The following S100A13 variants were observed in gnomAD, a reference collection of about 807,000 sequenced individuals.
The protein encoded by S100A13 is S100 calcium binding protein A13.
Under a neutral mutation model 8.2 loss-of-function variants are expected in S100A13, and 6 were observed. That is an observed-to-expected ratio of 0.73 (90% CI 0.40 to 1.44). The LOEUF (loss-of-function observed/expected upper bound fraction) is 1.44. S100A13 is among the 40% of genes most tolerant of loss of function. S100A13 has a pLI of 0.02. For synonymous variants in S100A13, 39 were observed against 45.9 expected, an observed-to-expected ratio of 0.85 and a Z score of 0.61; for missense variants, 114 against 113.6, an observed-to-expected ratio of 1.00 and a Z score of -0.02.
chr1:153,630,504 G>A (rs117364408), upstream of S100A13: 9 of 1,613,564 alleles, frequency 5.6e-6, no homozygotes, highest in East Asian at 1.6e-4. Flanking sequence ...GATGGGGGTG[G>A]GTAGGTGCAC....
chr1:153,625,001 G>A (rs1210529689), intron 2 of S100A13, among the ~76,000 whole-genome samples: 5 of 152,146 alleles, frequency 3.3e-5, no homozygotes, highest in Non-Finnish European at 7.4e-5. Context: ...CTTGAACCCA[G>A]GAGGCAGAGG....
At chr1:153,620,906 GA>G (rs2101552249) in intron 2 of S100A13, among the ~76,000 whole-genome samples, 1 of 151,970 alleles carries the variant, frequency 6.6e-6, no homozygotes, top group South Asian at 2.1e-4. Context: ...ATCTCTACAA[GA>G]AAAGGACAAA....
chr1:153,618,800 T>C lies in S100A13; in HGVS notation c.*95A>G. 8.3e-7 allele frequency: 1 copy of C among 1,201,536 alleles called. No individual in the cohort carries two copies. The highest frequency in any genetic ancestry group is 1.2e-6 in the Non-Finnish European group (1 of 850,718). The allele number at this position is 1,201,536 out of a possible 1,614,324, so 74.4% of individuals were successfully genotyped here. Reference sequence around the variant, plus strand: ...AGGATGGGGTGTAAGTAAGAAACATTTGTGTTTCAAGGAGGAAGCTTTATT... The same window carrying C: ...AGGATGGGGTGTAAGTAAGAAACATCTGTGTTTCAAGGAGGAAGCTTTATT... On this transcript the variant is annotated 3_prime_UTR_variant, in exon 3 of 3. Transcript: ENST00000476133.
At chr1:153,619,880 C>G (rs924351739) in intron 2 of S100A13, among the ~76,000 whole-genome samples, 1 of 152,110 alleles carries the variant, frequency 6.6e-6, no homozygotes, top group South Asian at 2.1e-4. Context: ...TAAGTTACAA[C>G]CACGTTTAAT....
upstream of S100A13, chr1:153,631,430 T>C (rs993769294): frequency 2.8e-5 from 43 of 1,534,334 alleles, no homozygotes; most frequent in African/African-American, 5.0e-4. Context: ...AGACAGTGCT[T>C]GTAAAGCTCC....
intron 2 of S100A13, among the ~76,000 whole-genome samples, chr1:153,624,560 A>G (rs184662415): frequency 3.2e-4 from 49 of 152,206 alleles, no homozygotes; most frequent in Non-Finnish European, 1.5e-5. Flanking sequence ...AAAAAAAAAA[A>G]AAACCACAAT....
upstream of S100A13, chr1:153,631,305 C>T (rs914852596): frequency 4.2e-6 from 3 of 721,656 alleles, no homozygotes; most frequent in African/African-American, 1.8e-5. Context: ...AGCCCTGCTA[C>T]TTTCTAGCTG....
chr1:153,628,178 A>T, upstream of S100A13: 1 of 1,550,408 alleles, frequency 6.4e-7, no homozygotes, highest in Non-Finnish European at 8.7e-7. Context: ...GGGGTAAGAC[A>T]TCCAGTGTCC....
chr1:153,619,220 A>G (rs1416704026), intron 2 of S100A13, among the ~76,000 whole-genome samples, 182 bp from the exon 3 acceptor site: 1 of 152,204 alleles, frequency 6.6e-6, no homozygotes, highest in Admixed American at 6.5e-5. Flanking sequence ...TGCCTCTCCA[A>G]GGAGCACCAG....
At chr1:153,622,718 T>G (rs1432660333) in intron 2 of S100A13, among the ~76,000 whole-genome samples, 1 of 152,220 alleles carries the variant, frequency 6.6e-6, no homozygotes, top group Non-Finnish European at 1.5e-5. Context: ...TGTTTTCTCT[T>G]GGCCTCCTTC....
At chr1:153,634,349 T>A (rs966323412), upstream of S100A13, 1 of 152,696 alleles carries the variant, frequency 6.5e-6, no homozygotes, top group Non-Finnish European at 1.5e-5. Flanking sequence ...CTTCGGTGAG[T>A]TTCGGTAGTG....
upstream of S100A13, chr1:153,634,137 G>A (rs1571309321): frequency 6.5e-6 from 1 of 153,104 alleles, no homozygotes; most frequent in East Asian, 1.9e-4. Flanking sequence ...GGAAAGGGCA[G>A]GCCGGGTGAG....
At chr1:153,620,958 G>C (rs9660847) in intron 2 of S100A13, among the ~76,000 whole-genome samples, 3,207 of 151,840 alleles carry the variant, frequency 0.021, 57 homozygotes, top group Non-Finnish European at 0.033. Context: ...CATCCAAGGG[G>C]GTTCTGGGAA....
At chr1:153,621,340 A>G (rs1026585982) in intron 2 of S100A13, among the ~76,000 whole-genome samples, 3 of 151,966 alleles carry the variant, frequency 2.0e-5, no homozygotes, top group Middle Eastern at 3.4e-3. Context: ...TATTTTTAGT[A>G]GAGATGGGGT....
rs549637433 is a variant in S100A13 at position 153,625,151 on chromosome 1, T to C, written c.153+1169A>G. On this transcript the variant is annotated intron_variant, in intron 2 of 2. Transcript: ENST00000476133. ...TACTTGTGAGGCTGGGGCAGGAGGA[T>C]TGCCTGAGCCCGGAAGGTCAAGGAT... Among the ~76,000 whole-genome samples the C allele has an allele frequency of 2.6e-5, 4 of 152,206 alleles. No homozygotes were observed. In the South Asian group the frequency reaches 8.3e-4, roughly 32 times the overall value.
intron 1 of S100A13, chr1:153,626,896 G>GCGTGTCCTTCAAGAGGAGTCCTTCAAGT (rs1553224372): frequency 4.4e-5 from 7 of 158,630 alleles, no homozygotes; most frequent in Admixed American, 3.0e-4. Flanking sequence ...AAGTCTGGTG[G>GCGTGTCCTTCAAGAGGAGTCCTTCAAGT]CCCCTCTGTG....
upstream of S100A13, chr1:153,627,726 C>A: frequency 4.3e-6 from 1 of 234,540 alleles, no homozygotes; most frequent in Non-Finnish European, 8.4e-6. Context: ...AGATCTCGTT[C>A]GGCAGGGGTC....
chr1:153,628,287 G>A (rs1327348590), upstream of S100A13: 11 of 1,512,766 alleles, frequency 7.3e-6, no homozygotes, highest in East Asian at 2.5e-5. Flanking sequence ...GACAAGGGCC[G>A]CCTGTTCCAG....
chr1:153,622,136 G>C (rs9700870), intron 2 of S100A13, among the ~76,000 whole-genome samples: 1 of 151,616 alleles, frequency 6.6e-6, no homozygotes, highest in Non-Finnish European at 1.5e-5. Flanking sequence ...TTGGGAGGCC[G>C]AGGCAGGCAG....
Sources: allele counts gnomAD v4.1 joint callset (sites outside exome capture counted in the v4.1 genomes callset), GRCh38; gene constraint gnomAD v4.1.1; transcripts MANE v1.5; gene names NCBI Gene and HGNC (gene_info 2026-07-23, HGNC 2026-07-21).